The following CNMD variants were observed in gnomAD, a reference collection of about 807,000 sequenced individuals.
CNMD encodes leukocyte cell-derived chemotaxin 1.
CNMD carries 30 observed loss-of-function variants against 37.5 expected under a neutral mutation model. The ratio of observed to expected loss-of-function variants is 0.80; its 90% CI spans 0.60 to 1.09. The LOEUF (loss-of-function observed/expected upper bound fraction) is 1.09, where lower values mean the gene tolerates loss of function less well. Ranked by LOEUF, CNMD falls within the 50% of genes least tolerant of loss-of-function variation. The pLI is 0.00. For missense variants in CNMD, 398 were observed against 423.9 expected (o/e 0.94, Z 0.54); for synonymous variants, 167 against 148.2 (o/e 1.13, Z -0.92).
intron 5 of CNMD, 149 bp downstream of exon 5, chr13:52,712,567 A>G (rs1014753508): frequency 2.3e-5 from 11 of 487,990 alleles, no homozygotes; most frequent in Non-Finnish European, 3.9e-5. Flanking sequence ...CTGCTCTTTC[A>G]TCTCTCATGC....
intron 3 of CNMD, among the ~76,000 whole-genome samples, chr13:52,727,713 A>G (rs957474841): frequency 1.3e-5 from 2 of 152,206 alleles, no homozygotes; most frequent in Non-Finnish European, 2.9e-5. Context: ...GACAAATGTC[A>G]TATGTTCTCT....
At position 52,734,788 on chromosome 13, in the gene CNMD, A is replaced by G. The variant is rs146241188; in HGVS notation, c.214-1429T>C. Among the ~76,000 whole-genome samples the G allele has an allele frequency of 7.0e-3, 1,059 of 152,306 alleles. 12 individuals are homozygous for G. The highest frequency in any genetic ancestry group is 0.024 in the African/African-American group (1,018 of 41,560). ...AATTCAAGTCTGATTTTTCTTCCTC[A>G]TTATGAAGAGTGACTGCTACATGCA... On this transcript the variant is annotated intron_variant, in intron 2 of 6. Coordinates refer to ENST00000377962, the MANE Select transcript of CNMD (RefSeq NM_007015.3).
intron 5 of CNMD, among the ~76,000 whole-genome samples, chr13:52,710,029 C>T (rs1247679454): frequency 3.3e-5 from 5 of 152,022 alleles, no homozygotes; most frequent in Admixed American, 2.0e-4. Flanking sequence ...GAGCCCGTTT[C>T]GTTATCTGTA....
At chr13:52,709,888 G>A (rs902896518) in intron 5 of CNMD, among the ~76,000 whole-genome samples, 9 of 152,264 alleles carry the variant, frequency 5.9e-5, no homozygotes, top group South Asian at 2.1e-4. Flanking sequence ...CAGGAGAATC[G>A]CTTGAACCTG....
chr13:52,727,531 G>A (rs1594287080), intron 3 of CNMD, among the ~76,000 whole-genome samples: 1 of 152,128 alleles, frequency 6.6e-6, no homozygotes, highest in East Asian at 1.9e-4. Context: ...AGGTGTGGTG[G>A]TGTGTGCCTG....
rs553715406 is a variant in CNMD, at chr13:52,738,249, C to A, written c.213+782G>T. 4.7e-4 allele frequency among the ~76,000 whole-genome samples: 72 copies of A among 152,358 alleles called. No individual in the cohort carries two copies. The Middle Eastern group carries it at 0.014, about 29-fold the overall frequency. On this transcript the variant is annotated intron_variant, in intron 2 of 6. Transcript: ENST00000377962. ...CATCAAGATAAAATGCCCCCTTTTA[C>A]ATAGGTGAACACTTTCAGAGTATTT...
At chr13:52,715,899 T>C (rs1474139953) in intron 4 of CNMD, among the ~76,000 whole-genome samples, 1 of 152,232 alleles carries the variant, frequency 6.6e-6, no homozygotes, top group Non-Finnish European at 1.5e-5. Flanking sequence ...ATGATATTTC[T>C]GGTTCTAGAT....
intron 3 of CNMD, among the ~76,000 whole-genome samples, chr13:52,732,030 G>A (rs1964680336): frequency 1.3e-5 from 2 of 152,168 alleles, no homozygotes; most frequent in Admixed American, 6.5e-5. Flanking sequence ...TCCTTGTCAT[G>A]ATCAAATAAT....
At chr13:52,723,587 G>A (rs1344688783) in intron 4 of CNMD, among the ~76,000 whole-genome samples, 1 of 152,124 alleles carries the variant, frequency 6.6e-6, no homozygotes, top group Admixed American at 6.5e-5. Flanking sequence ...AGAAGAAATC[G>A]AATTTACCAT....
chr13:52,729,391 C>T (rs1203981648), intron 3 of CNMD, among the ~76,000 whole-genome samples: 1 of 152,190 alleles, frequency 6.6e-6, no homozygotes, highest in African/African-American at 2.4e-5. Flanking sequence ...TATATGTAAA[C>T]ACAAAGTAAT....
intron 3 of CNMD, among the ~76,000 whole-genome samples, chr13:52,728,183 G>C (rs1435864511): frequency 6.6e-6 from 1 of 151,988 alleles, no homozygotes. Flanking sequence ...GTCAAGAGAT[G>C]GAGACCATCC....
chr13:52,720,803 G>A (rs1452800290), intron 4 of CNMD, among the ~76,000 whole-genome samples: 2 of 152,236 alleles, frequency 1.3e-5, no homozygotes, highest in Admixed American at 6.5e-5. Context: ...TGAGGAGGCA[G>A]TCTGTCCCTT....
At chr13:52,712,005 G>T (rs1008237661) in intron 5 of CNMD, among the ~76,000 whole-genome samples, 1 of 152,146 alleles carries the variant, frequency 6.6e-6, no homozygotes, top group African/African-American at 2.4e-5. Context: ...TAGGAGAAAG[G>T]CCTTTTTTTT....
chr13:52,717,976 C>CT (rs1309892091), intron 4 of CNMD, among the ~76,000 whole-genome samples: 1 of 151,978 alleles, frequency 6.6e-6, no homozygotes, highest in Admixed American at 6.6e-5. Context: ...TGGTCCTGGG[C>CT]TTTTTTTGGT....
At position 52,732,757 on chromosome 13, in the gene CNMD, C is replaced by T. The variant is rs193007708; in HGVS notation, c.354+462G>A. ...TTTTATTCATCACGTTACAGAAATC[C>T]GCTTGAAAAGAAATAGCTCCTTCAA... is the stretch of plus-strand genomic sequence containing the variant. On this transcript the variant is annotated intron_variant, in intron 3 of 6. Transcript: ENST00000377962. Among the ~76,000 whole-genome samples the T allele has an allele frequency of 3.9e-5, 6 of 152,226 alleles. No homozygotes were observed. In the East Asian group the frequency reaches 5.8e-4, roughly 15 times the overall value.
At chr13:52,727,584 T>G (rs898298036) in intron 3 of CNMD, among the ~76,000 whole-genome samples, 6 of 152,002 alleles carry the variant, frequency 3.9e-5, no homozygotes, top group Admixed American at 3.9e-4. Context: ...CTGGTATATA[T>G]ATATATATCC....
At chr13:52,738,022 A>G (rs1566234621) in intron 2 of CNMD, among the ~76,000 whole-genome samples, 1 of 152,230 alleles carries the variant, frequency 6.6e-6, no homozygotes, top group Non-Finnish European at 1.5e-5. Flanking sequence ...GTGATGTGTA[A>G]AATGGTTGAA....
At chr13:52,722,969 T>TG (rs922094066) in intron 4 of CNMD, among the ~76,000 whole-genome samples, 1 of 152,162 alleles carries the variant, frequency 6.6e-6, no homozygotes, top group Admixed American at 6.6e-5. Context: ...TGGCTGGTGT[T>TG]GGGGTGGGGG....
chr13:52,707,832 C>T (rs571344938), intron 6 of CNMD, among the ~76,000 whole-genome samples: 37 of 152,090 alleles, frequency 2.4e-4, no homozygotes, highest in Admixed American at 2.2e-3. Flanking sequence ...AGGTTGGGCG[C>T]GGTGGCTCAC....
Sources: allele counts gnomAD v4.1 joint callset (sites outside exome capture counted in the v4.1 genomes callset), GRCh38; gene constraint gnomAD v4.1.1; transcripts MANE v1.5; gene names NCBI Gene and HGNC (gene_info 2026-07-23, HGNC 2026-07-21).